Variants in PKIG observed in about 807,000 individuals in gnomAD.
PKIG encodes protein kinase (cAMP-dependent, catalytic) inhibitor gamma.
Under a neutral mutation model 6.8 loss-of-function variants are expected in PKIG, and 1 was observed. That is an observed-to-expected ratio of 0.15 (90% CI 0.05 to 0.69). The LOEUF is 0.69. Ranked by LOEUF, PKIG falls within the 30% of genes least tolerant of loss-of-function variation. The pLI is 0.82. For synonymous variants in PKIG, 39 were observed against 43.0 expected (o/e 0.91, Z 0.36); for missense variants, 77 against 104.0 (o/e 0.74, Z 1.13).
intron 2 of PKIG, among the ~76,000 whole-genome samples, chr20:44,597,189 T>G (rs1311331928): frequency 6.6e-6 from 1 of 152,102 alleles, no homozygotes; most frequent in Admixed American, 6.6e-5. Context: ...CCAGCATTAT[T>G]AGAATAATAA....
At chr20:44,544,459 GC>G (rs1477879344) in intron 1 of PKIG, among the ~76,000 whole-genome samples, 1 of 152,168 alleles carries the variant, frequency 6.6e-6, no homozygotes, top group Non-Finnish European at 1.5e-5. Flanking sequence ...TCCTGGCATG[GC>G]AGTTCCACAG....
intron 1 of PKIG, among the ~76,000 whole-genome samples, chr20:44,551,613 C>G (rs779373104): frequency 3.3e-5 from 5 of 152,170 alleles, no homozygotes; most frequent in Non-Finnish European, 5.9e-5. Context: ...AATGAGGAGA[C>G]AATTGACTGT....
chr20:44,547,958 A>C (rs1207344328), intron 1 of PKIG, among the ~76,000 whole-genome samples: 1 of 152,098 alleles, frequency 6.6e-6, no homozygotes, highest in Non-Finnish European at 1.5e-5. Context: ...CAGGCGGATC[A>C]CTGGAGATCA....
At chr20:44,612,402 A>C (rs1020520606) in intron 2 of PKIG, among the ~76,000 whole-genome samples, 1 of 151,176 alleles carries the variant, frequency 6.6e-6, no homozygotes, top group Non-Finnish European at 1.5e-5. Context: ...CCATGGGCCC[A>C]CCCCACTGGA....
At chr20:44,602,700 G>T (rs2065131681) in intron 2 of PKIG, among the ~76,000 whole-genome samples, 2 of 152,096 alleles carry the variant, frequency 1.3e-5, no homozygotes. Flanking sequence ...AATTAGCCGG[G>T]TATGTTGGTT....
At chr20:44,590,914 G>A (rs149537883) in intron 2 of PKIG, among the ~76,000 whole-genome samples, 8 of 152,344 alleles carry the variant, frequency 5.3e-5, no homozygotes, top group Non-Finnish European at 1.2e-4. Flanking sequence ...AGCTGTGTCT[G>A]GTGCAGCTCA....
chr20:44,583,168 C>T (rs529004428), intron 1 of PKIG, among the ~76,000 whole-genome samples: 15 of 152,102 alleles, frequency 9.9e-5, no homozygotes, highest in Non-Finnish European at 1.9e-4. Flanking sequence ...TTATCTTCCC[C>T]CTCAGGAACA....
At chr20:44,598,154 G>A (rs968355908) in intron 2 of PKIG, among the ~76,000 whole-genome samples, 12 of 152,150 alleles carry the variant, frequency 7.9e-5, no homozygotes, top group African/African-American at 2.7e-4. Flanking sequence ...CCTCTCCCCT[G>A]TGGTTACTTC....
intron 1 of PKIG, among the ~76,000 whole-genome samples, chr20:44,577,124 T>G (rs1422898404): frequency 6.6e-6 from 1 of 152,062 alleles, no homozygotes; most frequent in Non-Finnish European, 1.5e-5. Flanking sequence ...GTGGTTTTTT[T>G]TTTGAGACAG....
chr20:44,593,760 C>T (rs1306759840), intron 2 of PKIG, among the ~76,000 whole-genome samples: 2 of 152,070 alleles, frequency 1.3e-5, no homozygotes, highest in African/African-American at 2.4e-5. Flanking sequence ...TAAGTATTCT[C>T]GTCACAAAAA....
chr20:44,599,752 G>A (rs2065105179), intron 2 of PKIG, among the ~76,000 whole-genome samples: 1 of 152,090 alleles, frequency 6.6e-6, no homozygotes, highest in Admixed American at 6.6e-5. Context: ...CAAAAAAACT[G>A]TATAACTGTT....
At chr20:44,583,050 G>A (rs962791990) in intron 1 of PKIG, among the ~76,000 whole-genome samples, 1 of 152,210 alleles carries the variant, frequency 6.6e-6, no homozygotes, top group Admixed American at 6.5e-5. Context: ...TCTTCCCTAA[G>A]AAATTCGTGT....
At chr20:44,539,069 C>T (rs2064537298) in intron 1 of PKIG, among the ~76,000 whole-genome samples, 2 of 152,106 alleles carry the variant, frequency 1.3e-5, no homozygotes, top group African/African-American at 2.4e-5. Flanking sequence ...GCTGAGATTA[C>T]AGGCACGTAC....
intron 2 of PKIG, among the ~76,000 whole-genome samples, chr20:44,595,508 TTTTA>T (rs571769273): frequency 1.2e-4 from 18 of 151,468 alleles, no homozygotes; most frequent in African/African-American, 4.1e-4. Context: ...CCCCAAGTAC[TTTTA>T]TTTATTTATT....
chr20:44,597,644 G>A lies in PKIG; in HGVS notation c.-24+7778G>A, dbSNP rs188952843. The stretch of plus-strand genomic sequence containing the variant: ...GTCTGTGCTTCCATGAAGGTCTCTG[G>A]AAAGCAGCAGAACAGTCCATCTGGA... On this transcript the variant is annotated intron_variant, in intron 2 of 3. Transcript: ENST00000372886. 1.4e-3 allele frequency among the ~76,000 whole-genome samples: 219 copies of A among 152,300 alleles called. 1 individual carries two copies. Among genetic ancestry groups the A allele is most frequent in the African/African-American group, 5.1e-3 (210 of 41,554 alleles).
intron 1 of PKIG, among the ~76,000 whole-genome samples, chr20:44,544,064 C>CAA (rs543416378): frequency 8.3e-5 from 6 of 72,708 alleles, no homozygotes; most frequent in Non-Finnish European, 8.8e-5. Context: ...AACTCCGCCT[C>CAA]AAAAAAAAAA....
intron 1 of PKIG, among the ~76,000 whole-genome samples, chr20:44,543,908 C>T (rs908410778): frequency 6.6e-6 from 1 of 151,912 alleles, no homozygotes; most frequent in Non-Finnish European, 1.5e-5. Context: ...ACTAAAAATA[C>T]AAAAAATTAG....
intron 2 of PKIG, among the ~76,000 whole-genome samples, chr20:44,592,599 C>T (rs1411597542): frequency 6.6e-6 from 1 of 152,204 alleles, no homozygotes; most frequent in Non-Finnish European, 1.5e-5. Context: ...GGAGGGCAGG[C>T]CGTGCATCCA....
chr20:44,605,264 C>A (rs1022472260), intron 2 of PKIG, among the ~76,000 whole-genome samples: 1 of 151,908 alleles, frequency 6.6e-6, no homozygotes, highest in Non-Finnish European at 1.5e-5. Context: ...AAAAATTAGC[C>A]GGGTGTGGTA....
Sources: gnomAD v4.1 joint callset for allele counts (sites outside exome capture counted in the v4.1 genomes callset) on GRCh38, gnomAD v4.1.1 for gene constraint, MANE v1.5 for transcripts, NCBI Gene and HGNC (gene_info 2026-07-23, HGNC 2026-07-21) for gene names.